EYS: variants seen among roughly 807,000 people sequenced by gnomAD.
EYS encodes the protein EGF-like photoreceptor maintenance factor.
A neutral mutation model predicts 282.1 loss-of-function variants in EYS; 250 were observed. That is an observed-to-expected ratio of 0.89 (90% CI 0.80 to 0.98). The LOEUF (loss-of-function observed/expected upper bound fraction) is 0.98. Ranked by LOEUF, EYS falls within the 50% of genes least tolerant of loss-of-function variation. The pLI is 0.00. For synonymous variants in EYS, 1,355 were observed against 1,282.9 expected, an observed-to-expected ratio of 1.06 and a Z score of -1.20; for missense variants, 4,016 against 3,709.0, an observed-to-expected ratio of 1.08 and a Z score of -2.15.
chr6:64,549,733 CTTTTT>C (rs10534314), intron 26 of EYS, among the ~76,000 whole-genome samples: 1 of 140,686 alleles, frequency 7.1e-6, no homozygotes, highest in Non-Finnish European at 1.5e-5. Context: ...CACATGAAAT[CTTTTT>C]TTTTTTTTTT....
At chr6:65,517,045 C>T (rs1013840259) in intron 2 of EYS, among the ~76,000 whole-genome samples, 2 of 151,858 alleles carry the variant, frequency 1.3e-5, no homozygotes, top group African/African-American at 4.8e-5. Flanking sequence ...ATGTCTATTA[C>T]ATGAACTTAT....
chr6:65,063,435 A>G (rs972717454), intron 12 of EYS, among the ~76,000 whole-genome samples: 7 of 152,042 alleles, frequency 4.6e-5, no homozygotes, highest in African/African-American at 1.7e-4. Context: ...GAAAAGAAAA[A>G]GGCACTAAGT....
intron 26 of EYS, among the ~76,000 whole-genome samples, chr6:64,465,502 AATG>A (rs1162356101): frequency 4.6e-5 from 7 of 152,148 alleles, no homozygotes; most frequent in Non-Finnish European, 1.0e-4. Context: ...TCAAGGAAAG[AATG>A]ATATCTTTTA....
chr6:64,805,349 C>A (rs1440698904), intron 22 of EYS, among the ~76,000 whole-genome samples: 1 of 151,912 alleles, frequency 6.6e-6, no homozygotes, highest in African/African-American at 2.4e-5. Flanking sequence ...AATGCATAGG[C>A]TTTTTCTGTT....
chr6:65,199,208 T>C (rs575837834), intron 12 of EYS, among the ~76,000 whole-genome samples: 2 of 152,252 alleles, frequency 1.3e-5, no homozygotes, highest in East Asian at 3.9e-4. Flanking sequence ...TAAATTATCC[T>C]TTTAGCATAT....
intron 13 of EYS, among the ~76,000 whole-genome samples, chr6:65,034,243 C>A (rs1772697204): frequency 6.6e-6 from 1 of 152,186 alleles, no homozygotes; most frequent in African/African-American, 2.4e-5. Context: ...GTAGAAGGGA[C>A]TTCCCTTGTC....
chr6:63,725,909 G>A (rs974488489), intron 42 of EYS, among the ~76,000 whole-genome samples: 1 of 152,106 alleles, frequency 6.6e-6, no homozygotes, highest in Non-Finnish European at 1.5e-5. Flanking sequence ...CAATAGAGAT[G>A]TAACTATATG....
At chr6:65,193,474 A>T (rs1765691754) in intron 12 of EYS, among the ~76,000 whole-genome samples, 1 of 151,834 alleles carries the variant, frequency 6.6e-6, no homozygotes, top group South Asian at 2.1e-4. Flanking sequence ...AGGGCCAGAG[A>T]AAGATAAATG....
intron 35 of EYS, among the ~76,000 whole-genome samples, chr6:63,876,197 A>T (rs1562073155): frequency 6.6e-6 from 1 of 152,206 alleles, no homozygotes; most frequent in Admixed American, 6.5e-5. Context: ...GTTTCAAAGA[A>T]CATCTTTATT....
intron 26 of EYS, among the ~76,000 whole-genome samples, chr6:64,495,402 C>A (rs1776858688): frequency 6.6e-6 from 1 of 151,770 alleles, no homozygotes; most frequent in Non-Finnish European, 1.5e-5. Flanking sequence ...ATCACCTGTC[C>A]TTCAATAGCC....
At chr6:64,933,368 C>A (rs894103527) in intron 15 of EYS, among the ~76,000 whole-genome samples, 4 of 151,854 alleles carry the variant, frequency 2.6e-5, no homozygotes, top group Non-Finnish European at 4.4e-5. Flanking sequence ...ATGTGGCCAA[C>A]AAACATATGA....
intron 39 of EYS, among the ~76,000 whole-genome samples, chr6:63,786,825 CTG>C (rs1361193110): frequency 6.6e-6 from 1 of 152,100 alleles, no homozygotes; most frequent in Non-Finnish European, 1.5e-5. Flanking sequence ...GTTCAGAAAT[CTG>C]TGTTTTTAAG....
chr6:64,490,279 C>CT (rs1287610690), intron 26 of EYS, among the ~76,000 whole-genome samples: 1 of 150,776 alleles, frequency 6.6e-6, no homozygotes, highest in Non-Finnish European at 1.5e-5. Context: ...GAGCATCTAC[C>CT]ATATACCAAG....
At chr6:63,847,824 G>A (rs1335673816) in intron 36 of EYS, among the ~76,000 whole-genome samples, 1 of 152,120 alleles carries the variant, frequency 6.6e-6, no homozygotes, top group African/African-American at 2.4e-5. Context: ...CCAATTTTAT[G>A]AGTGAAGATT....
intron 29 of EYS, among the ~76,000 whole-genome samples, chr6:64,387,055 C>T (rs972881559): frequency 6.6e-6 from 1 of 152,230 alleles, no homozygotes; most frequent in East Asian, 1.9e-4. Context: ...CTGGCTCCCA[C>T]TCACCTATCC....
At chr6:63,920,059 T>C (rs1383853425) in intron 35 of EYS, among the ~76,000 whole-genome samples, 2 of 152,230 alleles carry the variant, frequency 1.3e-5, no homozygotes, top group East Asian at 3.8e-4. Flanking sequence ...ACCTATCATC[T>C]ATCTAGTTTG....
chr6:65,504,245 G>T (rs1766568469), intron 2 of EYS, among the ~76,000 whole-genome samples: 1 of 151,556 alleles, frequency 6.6e-6, no homozygotes, highest in East Asian at 1.9e-4. Context: ...AATATTAGTT[G>T]TTCATTGCTG....
At chr6:64,104,118 G>A (rs1562203085) in intron 31 of EYS, among the ~76,000 whole-genome samples, 1 of 152,122 alleles carries the variant, frequency 6.6e-6, no homozygotes, top group African/African-American at 2.4e-5. Flanking sequence ...TTCAAATATG[G>A]AAGAAATGAG....
chr6:64,215,379 G>A (rs1258600147), intron 31 of EYS, among the ~76,000 whole-genome samples: 1 of 151,918 alleles, frequency 6.6e-6, no homozygotes, highest in Admixed American at 6.6e-5. Flanking sequence ...TACAAAAGAA[G>A]CGAAGGGTAA....
Sources: gnomAD v4.1 joint callset for allele counts (sites outside exome capture counted in the v4.1 genomes callset) on GRCh38, gnomAD v4.1.1 for gene constraint, MANE v1.5 for transcripts, NCBI Gene and HGNC (gene_info 2026-07-23, HGNC 2026-07-21) for gene names.